FBN2: variants seen among roughly 807,000 people sequenced by gnomAD.
FBN2 encodes the protein fibrillin 2, also known as fibrillin-2.
FBN2 carries 105 observed loss-of-function variants against 355.6 expected under a neutral mutation model. The ratio of observed to expected loss-of-function variants is 0.30; its 90% CI spans 0.25 to 0.35. The LOEUF (loss-of-function observed/expected upper bound fraction) is 0.35, where lower values mean the gene tolerates loss of function less well. Ranked by LOEUF, FBN2 falls within the 10% of genes least tolerant of loss-of-function variation. The pLI is 1.00. For missense variants in FBN2, 3,280 were observed against 3,758.7 expected (o/e 0.87, Z 3.33); for synonymous variants, 1,350 against 1,301.2 (o/e 1.04, Z -0.81).
intron 24 of FBN2, 80 bp downstream of exon 24, chr5:128,345,277 A>T: frequency 1.7e-6 from 2 of 1,202,934 alleles, no homozygotes; most frequent in Non-Finnish European, 2.5e-6. Context: ...TCAAACATTT[A>T]AAGCAAAACC....
At chr5:128,384,162 C>A (rs867698162) in intron 11 of FBN2, among the ~76,000 whole-genome samples, 1 of 151,956 alleles carries the variant, frequency 6.6e-6, no homozygotes, top group Admixed American at 6.6e-5. Context: ...AATAATTATG[C>A]TGAGTAAAAG....
chr5:128,282,203 T>C (rs1179437326), intron 55 of FBN2, among the ~76,000 whole-genome samples: 2 of 152,208 alleles, frequency 1.3e-5, no homozygotes, highest in Non-Finnish European at 2.9e-5. Flanking sequence ...TTTAAGGATT[T>C]TCATTTTCTT....
chr5:128,352,745 A>C (rs1489940110), intron 20 of FBN2, among the ~76,000 whole-genome samples: 1 of 152,224 alleles, frequency 6.6e-6, no homozygotes, highest in Non-Finnish European at 1.5e-5. Flanking sequence ...GGTGATTCTG[A>C]TGTGAGTGAT....
intron 16 of FBN2, among the ~76,000 whole-genome samples, chr5:128,366,786 A>G (rs1751780923): frequency 6.6e-6 from 1 of 152,176 alleles, no homozygotes; most frequent in African/African-American, 2.4e-5. Context: ...TATAGGTTAT[A>G]GTACTTACCA....
At chr5:128,347,312 T>C (rs952667033) in intron 23 of FBN2, among the ~76,000 whole-genome samples, 1 of 152,230 alleles carries the variant, frequency 6.6e-6, no homozygotes, top group African/African-American at 2.4e-5. Context: ...CTGAGACCTC[T>C]ATGGATGTTT....
At chr5:128,272,745 G>A (rs1765299020) in intron 61 of FBN2, among the ~76,000 whole-genome samples, 1 of 151,850 alleles carries the variant, frequency 6.6e-6, no homozygotes, top group African/African-American at 2.4e-5. Context: ...AATGACAACC[G>A]AATATTTGAA....
chr5:128,444,986 A>T (rs1393365256), intron 7 of FBN2, among the ~76,000 whole-genome samples: 1 of 152,210 alleles, frequency 6.6e-6, no homozygotes, highest in Non-Finnish European at 1.5e-5. Context: ...AAGCCAGGAG[A>T]AAAAATACAA....
intron 18 of FBN2, among the ~76,000 whole-genome samples, chr5:128,363,849 T>G (rs548214857): frequency 6.6e-6 from 1 of 152,326 alleles, no homozygotes; most frequent in East Asian, 1.9e-4. Context: ...ATGTATGTCT[T>G]CAACTCCAAA....
At chr5:128,308,850 T>A (rs781150886) in intron 41 of FBN2, among the ~76,000 whole-genome samples, 6 of 152,164 alleles carry the variant, frequency 3.9e-5, no homozygotes, top group Non-Finnish European at 8.8e-5. Flanking sequence ...TAAAAAAAAA[T>A]CCTTATTGAA....
intron 5 of FBN2, among the ~76,000 whole-genome samples, chr5:128,475,194 C>G (rs1465933569): frequency 6.6e-6 from 1 of 152,128 alleles, no homozygotes; most frequent in African/African-American, 2.4e-5. Context: ...CCGGTCTCAT[C>G]TCAACAGAAG....
chr5:128,375,088 G>A (rs1752047926), intron 14 of FBN2, among the ~76,000 whole-genome samples: 1 of 151,916 alleles, frequency 6.6e-6, no homozygotes, highest in Admixed American at 6.6e-5. Context: ...TTCACACAAA[G>A]ACACTTTAAC....
intron 8 of FBN2, among the ~76,000 whole-genome samples, chr5:128,406,327 G>A (rs766331986): frequency 6.6e-6 from 1 of 152,144 alleles, no homozygotes; most frequent in Non-Finnish European, 1.5e-5. Flanking sequence ...CTTTTGCAGT[G>A]TGAGGTGCAA....
chr5:128,283,091 A>G (rs1190481703), intron 55 of FBN2, among the ~76,000 whole-genome samples: 1 of 152,224 alleles, frequency 6.6e-6, no homozygotes, highest in Non-Finnish European at 1.5e-5. Context: ...TTCTTCCAAC[A>G]GCTAAACTAT....
chr5:128,406,035 G>T (rs1236216113), intron 8 of FBN2, among the ~76,000 whole-genome samples: 1 of 152,170 alleles, frequency 6.6e-6, no homozygotes, highest in Non-Finnish European at 1.5e-5. Flanking sequence ...ATATGCACGT[G>T]TGCATAAACA....
At chr5:128,470,395 C>A (rs76363463) in intron 5 of FBN2, among the ~76,000 whole-genome samples, 1 of 152,268 alleles carries the variant, frequency 6.6e-6, no homozygotes, top group Non-Finnish European at 1.5e-5. Context: ...ACCAGACAAC[C>A]TTTGGAGAAG....
chr5:128,491,391 T>C (rs1354550255), intron 5 of FBN2, among the ~76,000 whole-genome samples: 1 of 152,218 alleles, frequency 6.6e-6, no homozygotes, highest in Non-Finnish European at 1.5e-5. Context: ...CTGTAACTGA[T>C]GGAGAACAAA....
At chr5:128,371,038 G>C (rs1253119454) in intron 15 of FBN2, 1 of 151,928 alleles carries the variant, frequency 6.6e-6, no homozygotes, top group African/African-American at 2.4e-5. Flanking sequence ...CACTGCCTAG[G>C]ACACACCTGA....
intron 27 of FBN2, 115 bp downstream of exon 27, chr5:128,337,882 C>G (rs1290457205): frequency 1.4e-5 from 16 of 1,158,502 alleles, no homozygotes; most frequent in Non-Finnish European, 2.0e-5. Context: ...TCTCAATTTC[C>G]ACCTTTTAAT....
At chr5:128,369,404 C>A in intron 15 of FBN2, 70 bp from the exon 16 acceptor site, 1 of 1,529,658 alleles carries the variant, frequency 6.5e-7, no homozygotes, top group Non-Finnish European at 9.0e-7. Flanking sequence ...CAGAAGGCTT[C>A]TTTTAACCTA....
Sources: allele counts gnomAD v4.1 joint callset (sites outside exome capture counted in the v4.1 genomes callset), GRCh38; gene constraint gnomAD v4.1.1; transcripts MANE v1.5; gene names NCBI Gene and HGNC (gene_info 2026-07-23, HGNC 2026-07-21).